The following NDST4 variants were observed in gnomAD, a reference collection of about 807,000 sequenced individuals.
The protein encoded by NDST4 is N-deacetylase and N-sulfotransferase 4, also known as N-heparan sulfate sulfotransferase 4.
In NDST4, 63 loss-of-function variants were observed where a neutral mutation model predicts 100.8. That is an observed-to-expected ratio of 0.62 (90% CI 0.51 to 0.77). NDST4 has a LOEUF of 0.77. Ranked by LOEUF, NDST4 falls within the 30% of genes least tolerant of loss-of-function variation. The probability of loss-of-function intolerance (pLI) is 0.00; values close to 1 mark genes in which losing one functional copy is unlikely to be tolerated. For synonymous variants in NDST4, 377 were observed against 361.8 expected (o/e 1.04, Z -0.48); for missense variants, 943 against 1,018.4 (o/e 0.93, Z 1.01).
At chr4:114,992,244 A>G (rs1447010584) in intron 2 of NDST4, among the ~76,000 whole-genome samples, 2 of 151,732 alleles carry the variant, frequency 1.3e-5, no homozygotes, top group African/African-American at 4.8e-5. Flanking sequence ...CATCTCCTTA[A>G]GCTACTCTTG....
intron 2 of NDST4, among the ~76,000 whole-genome samples, chr4:115,046,154 G>T (rs1439197010): frequency 6.6e-6 from 1 of 152,124 alleles, no homozygotes; most frequent in Non-Finnish European, 1.5e-5. Flanking sequence ...TCATTCCAGA[G>T]TTCCTTTCAG....
At position 115,077,075 on chromosome 4, in the gene NDST4, G is replaced by GT; in HGVS notation, c.-40dup. ...GTTTTGGAAGCTTTTTCCCAATTTC[G>GT]TTTCCTAAAGTGCCATAGTGAATAA... On this transcript the variant is annotated 5_prime_UTR_variant, in exon 2 of 14. Coordinates refer to ENST00000264363, the MANE Select transcript of NDST4 (RefSeq NM_022569.3). 9 of 1,532,168 alleles carry GT rather than the reference G, an allele frequency of 5.9e-6. No individual in the cohort carries two copies. The highest frequency in any genetic ancestry group is 7.9e-6 in the Non-Finnish European group (9 of 1,140,670). The allele number at this position is 1,532,168 out of a possible 1,614,324, so 94.9% of individuals were successfully genotyped here. A position where few individuals can be genotyped will look rare whatever the true frequency, so the allele number is the denominator to read the frequency against.
chr4:115,092,628 G>T (rs1006139443), intron 1 of NDST4, among the ~76,000 whole-genome samples: 3 of 152,126 alleles, frequency 2.0e-5, no homozygotes, highest in African/African-American at 7.2e-5. Context: ...TGTATTTTCT[G>T]CAAAGGTCAT....
intron 2 of NDST4, among the ~76,000 whole-genome samples, chr4:115,056,525 T>A (rs554922924): frequency 6.6e-6 from 1 of 152,250 alleles, no homozygotes; most frequent in East Asian, 1.9e-4. Context: ...ACTGAAATGA[T>A]TTGTAATTTC....
chr4:115,020,201 A>C (rs756108842), intron 2 of NDST4, among the ~76,000 whole-genome samples: 2 of 152,154 alleles, frequency 1.3e-5, no homozygotes, highest in Non-Finnish European at 2.9e-5. Flanking sequence ...CTTAGGTATT[A>C]CCTAAGTGAT....
chr4:115,030,386 T>G (rs954902716), intron 2 of NDST4, among the ~76,000 whole-genome samples: 1 of 152,136 alleles, frequency 6.6e-6, no homozygotes, highest in East Asian at 1.9e-4. Flanking sequence ...TTCAGACTAT[T>G]GTCTTACTCA....
At chr4:115,094,110 G>GT (rs1324185977) in intron 1 of NDST4, among the ~76,000 whole-genome samples, 1 of 151,398 alleles carries the variant, frequency 6.6e-6, no homozygotes, top group Non-Finnish European at 1.5e-5. Context: ...TGCTTCAGAT[G>GT]TTAAAAAAAT....
At chr4:114,875,063 G>T (rs1428344654) in intron 6 of NDST4, among the ~76,000 whole-genome samples, 2 of 152,090 alleles carry the variant, frequency 1.3e-5, no homozygotes, top group Non-Finnish European at 2.9e-5. Flanking sequence ...ATATGAAAAG[G>T]ACAGGAAAGG....
At chr4:114,835,925 G>A (rs1051247852) in intron 11 of NDST4, among the ~76,000 whole-genome samples, 1 of 152,132 alleles carries the variant, frequency 6.6e-6, no homozygotes, top group African/African-American at 2.4e-5. Context: ...CAGAGACTAG[G>A]ATTGCAACCT....
At chr4:115,106,291 T>C (rs990623720) in intron 1 of NDST4, among the ~76,000 whole-genome samples, 10 of 152,142 alleles carry the variant, frequency 6.6e-5, no homozygotes, top group Admixed American at 5.9e-4. Context: ...ATGGTTCTGT[T>C]AATGCATTCT....
At chr4:114,968,650 T>C (rs1345632428) in intron 4 of NDST4, among the ~76,000 whole-genome samples, 1 of 152,200 alleles carries the variant, frequency 6.6e-6, no homozygotes, top group Non-Finnish European at 1.5e-5. Context: ...AAATTTTATT[T>C]ATGAACATTT....
At chr4:114,894,180 C>G (rs1476026372) in intron 6 of NDST4, among the ~76,000 whole-genome samples, 1 of 152,116 alleles carries the variant, frequency 6.6e-6, no homozygotes, top group Admixed American at 6.6e-5. Context: ...CATGATGCCT[C>G]CAGCTTTGTT....
chr4:114,893,688 GT>G (rs1724648777), intron 6 of NDST4, among the ~76,000 whole-genome samples: 1 of 151,636 alleles, frequency 6.6e-6, no homozygotes, highest in Non-Finnish European at 1.5e-5. Context: ...CCTTCTTTAG[GT>G]TGCCTATTCA....
intron 1 of NDST4, among the ~76,000 whole-genome samples, chr4:115,086,712 A>T (rs115915561): frequency 0.014 from 2,119 of 152,228 alleles, 57 homozygotes; most frequent in African/African-American, 0.049. Context: ...CTGCAGAAAT[A>T]TGTATAGTGC....
At chr4:114,889,831 CCAGAGCCT>C (rs1032732178) in intron 6 of NDST4, among the ~76,000 whole-genome samples, 2 of 151,914 alleles carry the variant, frequency 1.3e-5, no homozygotes, top group African/African-American at 4.8e-5. Flanking sequence ...TTTTATTTTC[CCAGAGCCT>C]CAGAGACTCC....
At chr4:115,093,900 G>A (rs897898815) in intron 1 of NDST4, among the ~76,000 whole-genome samples, 4 of 151,800 alleles carry the variant, frequency 2.6e-5, no homozygotes, top group Admixed American at 6.6e-5. Context: ...ATAAAAAGAT[G>A]GTAGAAGGAA....
chr4:114,877,751 C>G (rs1204856269), intron 6 of NDST4, among the ~76,000 whole-genome samples: 1 of 152,042 alleles, frequency 6.6e-6, no homozygotes, highest in Non-Finnish European at 1.5e-5. Context: ...AGTTTGAGAC[C>G]AGCCTGGCCA....
At chr4:115,044,371 A>C (rs929422056) in intron 2 of NDST4, among the ~76,000 whole-genome samples, 6 of 152,184 alleles carry the variant, frequency 3.9e-5, no homozygotes, top group Non-Finnish European at 8.8e-5. Flanking sequence ...GAGGGCAATA[A>C]GGAAGAAACA....
In NDST4 at chr4:115,010,045, G is replaced by A. The variant is rs1196238619; in HGVS notation, c.979-32771C>T. On this transcript the variant is annotated intron_variant, in intron 2 of 13. Coordinates refer to ENST00000264363, the MANE Select transcript of NDST4 (RefSeq NM_022569.3). ...AAAAAGTCAGGAAACAACAGGTGCT[G>A]GAGAGGATGTGGAGAAATAGGAACA... 1.8e-5 allele frequency among the ~76,000 whole-genome samples: 2 copies of A among 111,654 alleles called. 1 individual carries two copies. Among genetic ancestry groups the A allele is most frequent in the Non-Finnish European group, 3.7e-5 (2 of 53,990 alleles). 73.2% of individuals were successfully genotyped at this position (111,654 alleles called of 152,430 possible).
Sources: gnomAD v4.1 joint callset for allele counts (sites outside exome capture counted in the v4.1 genomes callset) on GRCh38, gnomAD v4.1.1 for gene constraint, MANE v1.5 for transcripts, NCBI Gene and HGNC (gene_info 2026-07-23, HGNC 2026-07-21) for gene names.